The following DYNC2LI1 variants were observed in gnomAD, a reference collection of about 807,000 sequenced individuals.
The protein encoded by DYNC2LI1 is dynein cytoplasmic 2 light intermediate chain 1, also known as cytoplasmic dynein 2 light intermediate chain 1.
A neutral mutation model predicts 51.9 loss-of-function variants in DYNC2LI1; 45 were observed. The observed-to-expected ratio is 0.87, with a 90% confidence interval of 0.68 to 1.11. The LOEUF (loss-of-function observed/expected upper bound fraction) is 1.11. Among genes scored for constraint, DYNC2LI1 ranks in the 50% most tolerant of loss-of-function variants. The pLI is 0.00. For missense variants in DYNC2LI1, 490 were observed against 417.4 expected (o/e 1.17, Z -1.51); for synonymous variants, 130 against 137.8 (o/e 0.94, Z 0.40).
At chr2:43,794,304 G>C (rs923171317) in intron 5 of DYNC2LI1, 153 bp from the exon 6 acceptor site, 4 of 710,720 alleles carry the variant, frequency 5.6e-6, no homozygotes, top group Non-Finnish European at 6.7e-6. Flanking sequence ...CTATGACTTT[G>C]GTTTTTTGTT....
chr2:43,795,381 G>A (rs1673986416), intron 6 of DYNC2LI1, among the ~76,000 whole-genome samples: 2 of 152,096 alleles, frequency 1.3e-5, no homozygotes, highest in South Asian at 4.1e-4. Flanking sequence ...GTACATGCCT[G>A]TAGTCCCAGC....
chr2:43,782,948 C>T (rs1049263948), intron 2 of DYNC2LI1, among the ~76,000 whole-genome samples: 14 of 152,096 alleles, frequency 9.2e-5, no homozygotes, highest in African/African-American at 3.1e-4. Context: ...TGCCACTGCA[C>T]TCCAGCCTTG....
chr2:43,775,854 A>ATTTT lies in DYNC2LI1; in HGVS notation c.9-901_9-898dup, dbSNP rs57868887. 323 of 50,400 alleles carry ATTTT rather than the reference A, an allele frequency of 6.4e-3. 20 individuals are homozygous for ATTTT. Among genetic ancestry groups the ATTTT allele is most frequent in the Middle Eastern group, 0.019 (1 of 54 alleles). 3.1% of individuals were successfully genotyped at this position (50,400 alleles called of 1,614,324 possible). On this transcript the variant is annotated intron_variant, in intron 1 of 12. Transcript: ENST00000260605. ...AGACACCCGCCACCACACCTGGCCA[A>ATTTT]TTTTTTTTTTTTTTTTTTTTTTTTT...
At chr2:43,802,660 C>A (rs1666113576) in intron 10 of DYNC2LI1, among the ~76,000 whole-genome samples, 1 of 152,042 alleles carries the variant, frequency 6.6e-6, no homozygotes, top group Non-Finnish European at 1.5e-5. Flanking sequence ...TTCATAATTG[C>A]TGAATTTAAA....
At chr2:43,808,477 C>T (rs1393843662) in intron 12 of DYNC2LI1, among the ~76,000 whole-genome samples, 3 of 152,154 alleles carry the variant, frequency 2.0e-5, no homozygotes, top group Admixed American at 6.5e-5. Context: ...AGAGTAACCA[C>T]GTTTTATTTG....
intron 6 of DYNC2LI1, 41 bp from the exon 7 acceptor site, chr2:43,795,849 T>A: frequency 6.6e-7 from 1 of 1,516,386 alleles, no homozygotes; most frequent in South Asian, 1.1e-5. Flanking sequence ...CACCTAGCAA[T>A]AAAGAATTAC....
At chr2:43,783,992 G>C (rs1328029785) in intron 3 of DYNC2LI1, among the ~76,000 whole-genome samples, 2 of 152,104 alleles carry the variant, frequency 1.3e-5, no homozygotes, top group African/African-American at 4.8e-5. Context: ...AACGTATACT[G>C]TAGAAGCAGG....
intron 3 of DYNC2LI1, 124 bp from the exon 4 acceptor site, chr2:43,787,057 T>C: frequency 1.5e-6 from 1 of 668,926 alleles, no homozygotes; most frequent in South Asian, 2.0e-5. Context: ...TTCAACGCTA[T>C]TATACAAGGT....
At chr2:43,784,552 G>A (rs1451037886) in intron 3 of DYNC2LI1, among the ~76,000 whole-genome samples, 1 of 151,872 alleles carries the variant, frequency 6.6e-6, no homozygotes, top group African/African-American at 2.4e-5. Context: ...CGATTCTCCT[G>A]CCTCAGCCTC....
the DYNC2LI1 span, chr2:43,819,995 G>C: frequency 6.2e-7 from 1 of 1,614,132 alleles, no homozygotes; most frequent in Admixed American, 1.7e-5. Flanking sequence ...GATTTTGGAC[G>C]ATACCAAGTA....
chr2:43,792,967 G>A (rs1204021964), intron 5 of DYNC2LI1: 3 of 584,348 alleles, frequency 5.1e-6, no homozygotes, highest in African/African-American at 2.0e-5. Context: ...GAACATTGGT[G>A]TACATTATCT....
intron 8 of DYNC2LI1, among the ~76,000 whole-genome samples, chr2:43,797,659 A>G (rs943557949): frequency 3.3e-5 from 5 of 151,334 alleles, no homozygotes; most frequent in African/African-American, 1.2e-4. Flanking sequence ...AGCTGGGACT[A>G]CAGGCACGTG....
At chr2:43,812,809 A>G (rs1666551286), downstream of DYNC2LI1, 1 of 337,356 alleles carries the variant, frequency 3.0e-6, no homozygotes, top group Non-Finnish European at 5.5e-6. Context: ...TGTGCCTAGA[A>G]CAAGGAAAAA....
intron 5 of DYNC2LI1, among the ~76,000 whole-genome samples, chr2:43,791,122 G>A (rs990930954): frequency 6.6e-6 from 1 of 152,216 alleles, no homozygotes; most frequent in Non-Finnish European, 1.5e-5. Flanking sequence ...ACAGGTGGCT[G>A]AGGCAGGAGG....
At chr2:43,816,557 T>G in the DYNC2LI1 span, among the ~76,000 whole-genome samples, 1 of 152,188 alleles carries the variant, frequency 6.6e-6, no homozygotes, top group Non-Finnish European at 1.5e-5. Flanking sequence ...GTCTTTTTTA[T>G]TTTTTGAACG....
At chr2:43,777,715 G>A (rs895705268) in intron 2 of DYNC2LI1, among the ~76,000 whole-genome samples, 1 of 152,200 alleles carries the variant, frequency 6.6e-6, no homozygotes, top group African/African-American at 2.4e-5. Flanking sequence ...ACTGGGCAAC[G>A]TCAGCGCCCA....
intron 1 of DYNC2LI1, 107 bp downstream of exon 1, chr2:43,774,253 C>T (rs751536875): frequency 1.0e-4 from 151 of 1,460,984 alleles, no homozygotes; most frequent in Non-Finnish European, 1.3e-4. Flanking sequence ...TGGCTACTTG[C>T]CACCAGGATA....
intron 1 of DYNC2LI1, among the ~76,000 whole-genome samples, chr2:43,774,537 A>G (rs756767107): frequency 1.3e-5 from 2 of 152,196 alleles, no homozygotes; most frequent in African/African-American, 4.8e-5. Flanking sequence ...CTTGGAAGGC[A>G]CTGTGGAAAG....
chr2:43,792,633 T>C, intron 5 of DYNC2LI1: 1 of 1,515,446 alleles, frequency 6.6e-7, no homozygotes, highest in Non-Finnish European at 8.8e-7. Flanking sequence ...AAACTGAAAC[T>C]CTTTACCTAT....
Sources: allele counts gnomAD v4.1 joint callset (sites outside exome capture counted in the v4.1 genomes callset), GRCh38; gene constraint gnomAD v4.1.1; transcripts MANE v1.5; gene names NCBI Gene and HGNC (gene_info 2026-07-23, HGNC 2026-07-21).